Variants in STARD9 observed in about 807,000 individuals in gnomAD.
The protein encoded by STARD9 is stAR-related lipid transfer protein 9.
In STARD9, 346 loss-of-function variants were observed where a neutral mutation model predicts 399.8. That is an observed-to-expected ratio of 0.87 (90% CI 0.79 to 0.95). The LOEUF (loss-of-function observed/expected upper bound fraction) is 0.95. Among genes scored for constraint, STARD9 ranks in the 40% least tolerant of loss-of-function variants. The pLI, the probability that STARD9 is intolerant of heterozygous loss-of-function variation, is 0.00. For synonymous variants in STARD9, 2,203 were observed against 2,143.5 expected, an observed-to-expected ratio of 1.03 and a Z score of -0.77; for missense variants, 5,832 against 5,667.5, an observed-to-expected ratio of 1.03 and a Z score of -0.93.
chr15:42,615,101 T>C (rs1595639605), intron 3 of STARD9, among the ~76,000 whole-genome samples: 1 of 150,882 alleles, frequency 6.6e-6, no homozygotes, highest in African/African-American at 2.4e-5. Context: ...CTCTGTCTCC[T>C]GGGTTCAAGT....
At chr15:42,648,405 C>T (rs930816418) in intron 7 of STARD9, among the ~76,000 whole-genome samples, 5 of 152,200 alleles carry the variant, frequency 3.3e-5, no homozygotes, top group Non-Finnish European at 7.3e-5. Context: ...GAAAGTAATC[C>T]ACTGGCCTCG....
At position 42,691,599 on chromosome 15, in the gene STARD9, A is replaced by G. The variant is rs1304961233; in HGVS notation, c.10021A>G (p.Ser3341Gly). 2.0e-6 allele frequency: 3 copies of G among 1,537,126 alleles called. No individual in the cohort carries two copies. The Admixed American group carries it at 5.9e-5, about 30-fold the overall frequency. The stretch of plus-strand genomic sequence containing the variant: ...TCGTTCTCTTCAGGAGCTGAACTTG[A>G]GTGTGGAGCCTCCTTCCCCTACAGA... ...SSRSLQELNL[S>G]VEPPSPTDED... Residue 3341 changes from serine to glycine, a missense_variant, in exon 23 of 33, where the codon AGT (serine) becomes GGT (glycine). Physicochemically the swap from Ser to Gly is moderately conservative, Grantham distance 56. Transcript: ENST00000290607.
intron 9 of STARD9, among the ~76,000 whole-genome samples, chr15:42,655,930 T>C (rs1272963481): frequency 2.6e-5 from 4 of 151,918 alleles, no homozygotes. Context: ...GAATAAACAG[T>C]TCTCAAAAGA....
intron 26 of STARD9, among the ~76,000 whole-genome samples, chr15:42,702,690 G>C (rs2060992536): frequency 2.0e-5 from 3 of 152,170 alleles, no homozygotes; most frequent in Non-Finnish European, 4.4e-5. Context: ...TTGAAGAAGT[G>C]CCTTTAGCAG....
rs1395470243 is a variant in STARD9, at chr15:42,652,600, A to G, written c.702+8A>G. The G allele has an allele frequency of 1.3e-6, 2 of 1,536,410 alleles. No individual in the cohort carries two copies. Among genetic ancestry groups the G allele is most frequent in the Non-Finnish European group, 8.7e-7 (1 of 1,146,174 alleles). ...ACGATCCACTACACGCAGGTTGGTA[A>G]CTCCTTATGTTTGGTGAGATTTCTT... On this transcript the variant is annotated splice_region_variant and intron_variant, in intron 9 of 32. Transcript: ENST00000290607.
intron 3 of STARD9, among the ~76,000 whole-genome samples, chr15:42,620,695 A>G (rs551836901): frequency 6.6e-6 from 1 of 151,940 alleles, no homozygotes; most frequent in African/African-American, 2.4e-5. Context: ...ACACTTACGA[A>G]GATTACAGGC....
At chr15:42,675,391 T>C (rs1245857025) in intron 18 of STARD9, 2 of 497,140 alleles carry the variant, frequency 4.0e-6, no homozygotes, top group Non-Finnish European at 7.2e-6. Context: ...CTTTTGAGAC[T>C]GAGCTGAGAT....
At chr15:42,710,563 A>G (rs2061193324) in intron 26 of STARD9, among the ~76,000 whole-genome samples, 1 of 152,170 alleles carries the variant, frequency 6.6e-6, no homozygotes, top group Non-Finnish European at 1.5e-5. Context: ...CATTTCATAT[A>G]AATGGAATTA....
chr15:42,669,161 G>T lies in STARD9; in HGVS notation c.1321G>T (p.Asp441Tyr). 6.5e-7 allele frequency: 1 copy of T among 1,532,590 alleles called. No individual in the cohort carries two copies. Among genetic ancestry groups the T allele is most frequent in the South Asian group, 1.2e-5 (1 of 83,860 alleles). The allele number at this position is 1,532,590 out of a possible 1,614,324, so 94.9% of individuals were successfully genotyped here. A position where few individuals can be genotyped will look rare whatever the true frequency, so the allele number is the denominator to read the frequency against. Residue 441 changes from aspartate to tyrosine, a missense_variant, in exon 16 of 33, where the codon GAC (aspartate) becomes TAC (tyrosine). This residue lies in a region of STARD9 where 5,828 missense variants were observed against 5,651.1 expected (regional missense o/e 1.03). Coordinates refer to ENST00000290607, the MANE Select transcript of STARD9 (RefSeq NM_020759.3). ...ATCACCTCCTATACCTCTGCAGATA[G>T]ACCAGCTGACTAAAGACTGGACCCA... ...ELVLQNELKI[D>Y]QLTKDWTQKW...
Position 42,686,677 on chromosome 15 carries a change from A to T in STARD9, c.5099A>T (p.Asp1700Val). 1 of 1,537,742 alleles carries T rather than the reference A, an allele frequency of 6.5e-7. No homozygotes were observed. The highest frequency in any genetic ancestry group is 8.7e-7 in the Non-Finnish European group (1 of 1,147,016). Residue 1700 changes from aspartate to valine, a missense_variant, in exon 23 of 33, where the codon GAT becomes GTT. Physicochemically the swap from Asp to Val is radical, Grantham distance 152 (BLOSUM62 -3). Transcript: ENST00000290607. ...SHYPLEEEKT[D>V]CQESSKEAVR... Reference sequence around the variant, plus strand: ...TACCCACTAGAGGAAGAGAAGACAGATTGCCAGGAGAGCTCTAAGGAAGCA... The same window carrying T: ...TACCCACTAGAGGAAGAGAAGACAGTTTGCCAGGAGAGCTCTAAGGAAGCA...
rs2061386123 is a variant in STARD9 at position 42,718,143 on chromosome 15, A to G, written c.13726A>G (p.Arg4576Gly). ...PLYYKPIQTA[R>G]LHQRVTNSIS... ...GTATTACAAGCCCATCCAGACAGCA[A>G]GGCTGCATCAGCGAGTGACCAACAG... The change falls in exon 30 of 33, where the codon AGG (arginine) becomes GGG (glycine). Residue 4576 changes from arginine to glycine, a missense_variant. By Grantham distance (125) the Arg-to-Gly change is moderately radical. This residue lies in a region of STARD9 where 5,828 missense variants were observed against 5,651.1 expected (regional missense o/e 1.03). Coordinates refer to ENST00000290607, the MANE Select transcript of STARD9 (RefSeq NM_020759.3). The G allele has an allele frequency of 6.5e-7, 1 of 1,537,002 alleles. No homozygotes were observed. Among genetic ancestry groups the G allele is most frequent in the Admixed American group, 2.0e-5 (1 of 50,978 alleles).
In STARD9 at chr15:42,684,191, A is replaced by T; in HGVS notation, c.2613A>T (p.Thr871=). Residue 871 remains threonine (T), a synonymous_variant, in exon 23 of 33, where the codon ACA becomes ACT. Coordinates refer to ENST00000290607, the MANE Select transcript of STARD9 (RefSeq NM_020759.3). The part of the protein sequence containing the change: ...PDPTHQTSEK[T]SSEEHLPQAA... ...CTACACACCAAACATCAGAGAAAAC[A>T]TCATCAGAAGAGCATTTGCCACAGG... The T allele has an allele frequency of 6.5e-7, 1 of 1,537,298 alleles. No individual in the cohort carries two copies. The highest frequency in any genetic ancestry group is 8.7e-7 in the Non-Finnish European group (1 of 1,146,890).
rs2061391901 is a variant in STARD9 at position 42,718,467 on chromosome 15, C to T, written c.13795C>T (p.Leu4599=). 4 of 1,537,114 alleles carry T rather than the reference C, an allele frequency of 2.6e-6. No homozygotes were observed. The East Asian group carries it at 7.3e-5, about 28-fold the overall frequency. Residue 4599 remains leucine (L), a synonymous_variant, in exon 31 of 33, where the codon CTG becomes TTG. Coordinates refer to ENST00000290607, the MANE Select transcript of STARD9 (RefSeq NM_020759.3). ...YLVCNTTLCA[L]KQPRDFCCVC... is the part of the protein sequence containing the mutation. ...GGTGTGCAACACCACCCTGTGCGCA[C>T]TGAAGCAGCCACGGGATTTCTGTTG...
chr15:42,655,827 C>G (rs2059856863), intron 9 of STARD9, among the ~76,000 whole-genome samples: 3 of 152,148 alleles, frequency 2.0e-5, no homozygotes, highest in Non-Finnish European at 4.4e-5. Flanking sequence ...GCAATCTATG[C>G]ATCCTACGAA....
chr15:42,590,499 G>A (rs936915148), intron 3 of STARD9, among the ~76,000 whole-genome samples: 3 of 152,126 alleles, frequency 2.0e-5, no homozygotes, highest in Non-Finnish European at 2.9e-5. Context: ...ACTTTAGGGG[G>A]ATTTAGAGCA....
Position 42,693,332 on chromosome 15 carries a change from G to A in STARD9, c.11754G>A (p.Leu3918=), listed in dbSNP as rs1481725505. 6.5e-7 allele frequency: 1 copy of A among 1,537,056 alleles called. No individual in the cohort carries two copies. Among genetic ancestry groups the A allele is most frequent in the African/African-American group, 1.4e-5 (1 of 73,096 alleles). ...TQEPGLSPGS[L]TLSAPSTHPV... is the part of the protein sequence containing the mutation. ...AGCCGGGTCTTTCCCCAGGCTCTTT[G>A]ACCCTCTCAGCCCCTTCAACTCACC... is the stretch of plus-strand genomic sequence containing the variant. The change falls in exon 23 of 33, where the codon TTG becomes TTA. Residue 3918 remains leucine (L), a synonymous_variant. Transcript: ENST00000290607.
Position 42,687,270 on chromosome 15 carries a change from T to G in STARD9, c.5692T>G (p.Ser1898Ala). 1.3e-6 allele frequency: 2 copies of G among 1,536,858 alleles called. No homozygotes were observed. Among genetic ancestry groups the G allele is most frequent in the Non-Finnish European group, 1.7e-6 (2 of 1,146,868 alleles). ...CACTGCTCAGTCCTGTTGCGGTGCTTCCTCAGACAGCACTGAGTCTGGGAA... is the reference window on the plus strand; with the variant it reads ...CACTGCTCAGTCCTGTTGCGGTGCTGCCTCAGACAGCACTGAGTCTGGGAA... Reference protein sequence around the residue: ...EVTAQSCCGASSDSTESGKSL... With the variant: ...EVTAQSCCGAASDSTESGKSL... The change falls in exon 23 of 33, where the codon TCC becomes GCC. Residue 1898 changes from serine to alanine, a missense_variant. Ser to Ala is a moderately conservative substitution (Grantham distance 99). Around this residue, in one of 2 missense-constraint regions of STARD9, gnomAD observed 5,828 missense variants for 5,651.1 expected, o/e 1.03. Coordinates refer to ENST00000290607, the MANE Select transcript of STARD9 (RefSeq NM_020759.3).
chr15:42,606,102 C>T (rs1566868590), intron 3 of STARD9, among the ~76,000 whole-genome samples: 2 of 152,178 alleles, frequency 1.3e-5, no homozygotes, highest in South Asian at 4.2e-4. Context: ...AAGAAAATAG[C>T]ACTTTTTGAG....
At chr15:42,607,506 TG>T (rs2058756435) in intron 3 of STARD9, among the ~76,000 whole-genome samples, 1 of 151,880 alleles carries the variant, frequency 6.6e-6, no homozygotes, top group Non-Finnish European at 1.5e-5. Flanking sequence ...CCCACCCTCC[TG>T]ATGCCTCTTT....
Sources: gnomAD v4.1 joint callset for allele counts (sites outside exome capture counted in the v4.1 genomes callset) on GRCh38, gnomAD v4.1.1 for gene constraint, gnomAD v4.1.1 regional missense constraint, MANE v1.5 for transcripts, NCBI Gene and HGNC (gene_info 2026-07-23, HGNC 2026-07-21) for gene names.